Variants in TPT1 observed in about 807,000 individuals in gnomAD.
The protein encoded by TPT1 is tumor protein, translationally-controlled 1, also known as translationally-controlled tumor protein.
Under a neutral mutation model 22.8 loss-of-function variants are expected in TPT1, and 5 were observed. That is an observed-to-expected ratio of 0.22 (90% CI 0.11 to 0.46). The LOEUF is 0.46. Ranked by LOEUF, TPT1 falls within the 20% of genes least tolerant of loss-of-function variation. The pLI, the probability that TPT1 is intolerant of heterozygous loss-of-function variation, is 0.99. For missense variants in TPT1, 130 were observed against 218.7 expected (o/e 0.59, Z 2.56); for synonymous variants, 89 against 73.6 (o/e 1.21, Z -1.07).
In TPT1 at chr13:45,338,470, G is replaced by C. The variant is rs1566176266; in HGVS notation, c.516+190C>G. The C allele has an allele frequency of 3.4e-6, 4 of 1,179,488 alleles. No individual in the cohort carries two copies. In the Admixed American group the frequency reaches 1.0e-4, roughly 30 times the overall value. The allele number at this position is 1,179,488 out of a possible 1,614,324, so 73.1% of individuals were successfully genotyped here. A position where few individuals can be genotyped will look rare whatever the true frequency, so the allele number is the denominator to read the frequency against. ...TGCACTCAACGTTTTCCACAAATAA[G>C]ATTCTAAGCCTTTTTATACCCTAAG... On this transcript the variant is annotated intron_variant, in intron 5 of 5. Coordinates refer to ENST00000530705, the MANE Select transcript of TPT1 (RefSeq NM_003295.4).
chr13:45,338,586 C>A (rs756972066), intron 5 of TPT1, 74 bp downstream of exon 5: 1 of 1,570,502 alleles, frequency 6.4e-7, no homozygotes, highest in South Asian at 1.2e-5. Context: ...TTCTCAGTGT[C>A]ACAAAACAAT....
At chr13:45,338,984 G>A (rs906976165) in intron 4 of TPT1, 6 of 465,332 alleles carry the variant, frequency 1.3e-5, no homozygotes, top group African/African-American at 1.2e-4. Context: ...AACGTACAGA[G>A]CAATCCAGGA....
At position 45,337,308 on chromosome 13, in the gene TPT1, A is replaced by C. The variant is rs1322378219; in HGVS notation, c.*78T>G. ...GATGACATCAGTCCCATTTGTCTTA[A>C]GTCCTGGTGTTGTGTGGATGACAAG... On this transcript the variant is annotated 3_prime_UTR_variant, in exon 6 of 6. Transcript: ENST00000530705. 7.2e-7 allele frequency: 1 copy of C among 1,383,878 alleles called. No individual in the cohort carries two copies. Among genetic ancestry groups the C allele is most frequent in the African/African-American group, 1.4e-5 (1 of 70,234 alleles). The allele number at this position is 1,383,878 out of a possible 1,614,324, so 85.7% of individuals were successfully genotyped here.
At chr13:45,338,926 T>A (rs187227035) in intron 4 of TPT1, 150 bp from the exon 5 acceptor site, 1 of 609,198 alleles carries the variant, frequency 1.6e-6, no homozygotes, top group African/African-American at 1.9e-5. Flanking sequence ...ATCATAGACA[T>A]CTGTTCACTG....
chr13:45,340,823 G>A, intron 1 of TPT1, 38 bp from the exon 2 acceptor site: 3 of 1,497,706 alleles, frequency 2.0e-6, no homozygotes, highest in Non-Finnish European at 2.7e-6. Flanking sequence ...CCGTGCGCCT[G>A]GCGCCGCCAT....
rs1183977588 is a variant in TPT1 at position 45,336,032 on chromosome 13, G to C, written c.*1354C>G. 6.6e-6 allele frequency: 1 copy of C among 150,888 alleles called. No individual in the cohort carries two copies. Among genetic ancestry groups the C allele is most frequent in the African/African-American group, 2.5e-5 (1 of 40,226 alleles). 9.3% of individuals were successfully genotyped at this position (150,888 alleles called of 1,614,324 possible). On this transcript the variant is annotated 3_prime_UTR_variant, in exon 6 of 6. Coordinates refer to ENST00000530705, the MANE Select transcript of TPT1 (RefSeq NM_003295.4). Reference sequence around the variant, plus strand: ...GACTATTTCCCAAAACTCACGTTTTGAAAATTCCCCTCCCAGGCTAGGCCT... The same window carrying C: ...GACTATTTCCCAAAACTCACGTTTTCAAAATTCCCCTCCCAGGCTAGGCCT...
intron 5 of TPT1, 76 bp downstream of exon 5, chr13:45,338,584 G>T (rs543247477): frequency 6.4e-7 from 1 of 1,565,594 alleles, no homozygotes; most frequent in Admixed American, 2.0e-5. Flanking sequence ...CATTCTCAGT[G>T]TCACAAAACA....
Position 45,336,070 on chromosome 13 carries a change from G to C in TPT1, c.*1316C>G, listed in dbSNP as rs1295429796. ...CCAGGCTAGGCCTGCACTTTGGGAG[G>C]CTGAGGTGGGCAGATCTCCTTGAGC... is the stretch of plus-strand genomic sequence containing the variant. On this transcript the variant is annotated 3_prime_UTR_variant, in exon 6 of 6. Transcript: ENST00000530705. 1 of 152,340 alleles carries C rather than the reference G, an allele frequency of 6.6e-6. No homozygotes were observed. The highest frequency in any genetic ancestry group is 6.5e-5 in the Admixed American group (1 of 15,300). The allele number at this position is 152,340 out of a possible 1,614,324, so 9.4% of individuals were successfully genotyped here. A position where few individuals can be genotyped will look rare whatever the true frequency, so the allele number is the denominator to read the frequency against.
chr13:45,337,565 CAA>C, intron 5 of TPT1, 177 bp from the exon 6 acceptor site: 1 of 1,609,376 alleles, frequency 6.2e-7, no homozygotes, highest in South Asian at 1.1e-5. Context: ...TAGTGCAAAC[CAA>C]AAGAACAACA....
chr13:45,337,373 A>G lies in TPT1; in HGVS notation c.*13T>C, dbSNP rs1878767635. On this transcript the variant is annotated 3_prime_UTR_variant, in exon 6 of 6. Coordinates refer to ENST00000530705, the MANE Select transcript of TPT1 (RefSeq NM_003295.4). The stretch of plus-strand genomic sequence containing the variant: ...GATGACAGGTGATAGATCCAAAATA[A>G]TTGCCACATTTGTTACTGTAAAAGC... 6.2e-7 allele frequency: 1 copy of G among 1,613,812 alleles called. No homozygotes were observed. Among genetic ancestry groups the G allele is most frequent in the African/African-American group, 1.3e-5 (1 of 74,918 alleles).
chr13:45,339,452 G>GT (rs1566176827), intron 4 of TPT1, 45 bp downstream of exon 4: 1 of 1,548,066 alleles, frequency 6.5e-7, no homozygotes, highest in East Asian at 2.3e-5. Flanking sequence ...TGCTCTTGCA[G>GT]TTAAAATTGT....
intron 4 of TPT1, 38 bp downstream of exon 4, chr13:45,339,459 T>C (rs1407154286): frequency 1.3e-6 from 2 of 1,568,756 alleles, no homozygotes; most frequent in East Asian, 2.3e-5. Flanking sequence ...GCAGTTAAAA[T>C]TGTACAATCC....
At chr13:45,340,566 A>T in intron 2 of TPT1, 146 bp downstream of exon 2, 2 of 1,011,264 alleles carry the variant, frequency 2.0e-6, no homozygotes, top group Non-Finnish European at 3.0e-6. Context: ...CTCCGCCTCC[A>T]GTTTTCTAGA....
In TPT1 at chr13:45,337,164, G is replaced by A; in HGVS notation, c.*222C>T. The A allele has an allele frequency of 1.7e-6, 1 of 596,352 alleles. No homozygotes were observed. Among genetic ancestry groups the A allele is most frequent in the Non-Finnish European group, 3.0e-6 (1 of 336,084 alleles). The allele number at this position is 596,352 out of a possible 1,614,324, so 36.9% of individuals were successfully genotyped here. On this transcript the variant is annotated 3_prime_UTR_variant, in exon 6 of 6. Transcript: ENST00000530705. ...GTTTAAATATGCATTAAACTAAAAG[G>A]CATTCTCTCAAATGAGTTTAAATGC...
intron 5 of TPT1, chr13:45,337,589 A>G: frequency 6.2e-7 from 1 of 1,601,478 alleles, no homozygotes; most frequent in Non-Finnish European, 8.5e-7. Flanking sequence ...TAAATTGTTC[A>G]AGGTCTATCA....
At chr13:45,340,510 GGGA>G (rs879411200) in intron 2 of TPT1, 199 bp downstream of exon 2, 12 of 773,874 alleles carry the variant, frequency 1.6e-5, no homozygotes, top group Non-Finnish European at 2.0e-5. Context: ...GGACAACCCC[GGGA>G]GGAGGATGGG....
chr13:45,338,634 A>C (rs759652287), intron 5 of TPT1, 26 bp downstream of exon 5: 1 of 1,601,360 alleles, frequency 6.2e-7, no homozygotes, highest in Non-Finnish European at 8.5e-7. Flanking sequence ...TACATTATTT[A>C]TTTTAACCCA....
In TPT1 at chr13:45,335,899, A is replaced by C. The variant is rs1160964696; in HGVS notation, c.*1487T>G. 6.6e-6 allele frequency: 1 copy of C among 152,216 alleles called. No individual in the cohort carries two copies. Among genetic ancestry groups the C allele is most frequent in the African/African-American group, 2.4e-5 (1 of 41,456 alleles). 9.4% of individuals were successfully genotyped at this position (152,216 alleles called of 1,614,324 possible). A position where few individuals can be genotyped will look rare whatever the true frequency, so the allele number is the denominator to read the frequency against. ...CAGTCTGGAATTTGACACTAGGGCA[A>C]ACTCCAGATTGCTCAAACCACTACA... On this transcript the variant is annotated 3_prime_UTR_variant, in exon 6 of 6. Coordinates refer to ENST00000530705, the MANE Select transcript of TPT1 (RefSeq NM_003295.4).
In TPT1 at chr13:45,334,831, CCCTT is replaced by C. The variant is rs1320810389; in HGVS notation, c.*2551_*2554del. On this transcript the variant is annotated 3_prime_UTR_variant, in exon 6 of 6. Transcript: ENST00000530705. ...CTTGCACACTCCCACTGCTTTACAA[CCCTT>C]CCTGTCTTCTTGGGTTAGCAAAGTG... 6.6e-6 allele frequency: 1 copy of C among 152,236 alleles called. No individual in the cohort carries two copies. The highest frequency in any genetic ancestry group is 1.5e-5 in the Non-Finnish European group (1 of 68,054). The allele number at this position is 152,236 out of a possible 1,614,324, so 9.4% of individuals were successfully genotyped here. A position where few individuals can be genotyped will look rare whatever the true frequency, so the allele number is the denominator to read the frequency against.
Sources: gnomAD v4.1 joint callset for allele counts on GRCh38, gnomAD v4.1.1 for gene constraint, MANE v1.5 for transcripts, NCBI Gene and HGNC (gene_info 2026-07-23, HGNC 2026-07-21) for gene names.